The following ZMIZ1 variants were observed in gnomAD, a reference collection of about 807,000 sequenced individuals.
ZMIZ1 encodes zinc finger MIZ domain-containing protein 1.
A neutral mutation model predicts 113.9 loss-of-function variants in ZMIZ1; 17 were observed. The observed-to-expected ratio is 0.15, with a 90% CI of 0.10 to 0.22. ZMIZ1 has a LOEUF of 0.22. Among genes scored for constraint, ZMIZ1 ranks in the 10% least tolerant of loss-of-function variants. The pLI is 1.00. For synonymous variants in ZMIZ1, 607 were observed against 603.1 expected (o/e 1.01, Z -0.09); for missense variants, 1,059 against 1,477.8 (o/e 0.72, Z 4.65).
intron 7 of ZMIZ1, among the ~76,000 whole-genome samples, chr10:79,252,900 C>T (rs576516422): frequency 7.9e-5 from 12 of 152,304 alleles, no homozygotes; most frequent in African/African-American, 1.9e-4. Context: ...GACTATAGCT[C>T]GCTCAAGTTT....
At chr10:79,300,281 C>T (rs562079071) in intron 16 of ZMIZ1, among the ~76,000 whole-genome samples, 2 of 152,348 alleles carry the variant, frequency 1.3e-5, no homozygotes, top group East Asian at 1.9e-4. Flanking sequence ...CTCAGTGCTG[C>T]GTCCTTGGGG....
intron 5 of ZMIZ1, among the ~76,000 whole-genome samples, chr10:79,202,218 A>G (rs1848125842): frequency 7.4e-6 from 1 of 135,358 alleles, no homozygotes; most frequent in Non-Finnish European, 1.6e-5. Flanking sequence ...AAAAAAAGAA[A>G]GAAAGAAAGA....
intron 14 of ZMIZ1, 94 bp from the exon 15 acceptor site, chr10:79,298,312 A>C (rs1854044441): frequency 1.4e-6 from 2 of 1,384,948 alleles, no homozygotes; most frequent in Non-Finnish European, 1.9e-6. Flanking sequence ...GCATGGCTCC[A>C]GGCCCCTGGG....
intron 1 of ZMIZ1, among the ~76,000 whole-genome samples, chr10:79,093,665 CAG>C (rs1338543840): frequency 6.6e-6 from 1 of 152,092 alleles, no homozygotes; most frequent in Non-Finnish European, 1.5e-5. Flanking sequence ...GTGATGTGCT[CAG>C]AGTGATTAGG....
In ZMIZ1 at chr10:79,069,758, T is replaced by G. The variant is rs562486298; in HGVS notation, c.-337+488T>G. ...CGCTGGATTTCAGGATGGCAAGGGGTGGTGGTGTTAACTTGTGCGTCTGAA... is the reference window on the plus strand; with the variant it reads ...CGCTGGATTTCAGGATGGCAAGGGGGGGTGGTGTTAACTTGTGCGTCTGAA... On this transcript the variant is annotated intron_variant, in intron 1 of 24. Transcript: ENST00000334512. The surrounding 1 kb of genome is among the most constrained non-coding windows in gnomAD (Gnocchi z 4.6). 7.9e-5 allele frequency among the ~76,000 whole-genome samples: 12 copies of G among 151,600 alleles called. No individual in the cohort carries two copies. The highest frequency in any genetic ancestry group is 1.8e-4 in the Non-Finnish European group (12 of 67,854).
chr10:79,252,197 C>T lies in ZMIZ1; in HGVS notation c.281-24984C>T, dbSNP rs1019923170. ...AGGCAGGCTCCTGCAGGCTCCTGTA[C>T]CCACCCAGCCTATGTACCCACCCTG... is the stretch of plus-strand genomic sequence containing the variant. On this transcript the variant is annotated intron_variant, in intron 7 of 24. Transcript: ENST00000334512. 2.6e-5 allele frequency among the ~76,000 whole-genome samples: 4 copies of T among 152,276 alleles called. No individual in the cohort carries two copies. The East Asian group carries it at 5.8e-4, about 22-fold the overall frequency.
At chr10:79,160,093 C>T (rs898592310) in intron 3 of ZMIZ1, among the ~76,000 whole-genome samples, 1 of 152,204 alleles carries the variant, frequency 6.6e-6, no homozygotes, top group Admixed American at 6.5e-5. Flanking sequence ...TAGCTGTGGG[C>T]GGTGGGGAGG....
intron 4 of ZMIZ1, among the ~76,000 whole-genome samples, chr10:79,176,325 C>T (rs1846868742): frequency 6.6e-6 from 1 of 152,080 alleles, no homozygotes; most frequent in Non-Finnish European, 1.5e-5. Context: ...GATGGACCAG[C>T]GCTCTTCTGA....
At chr10:79,121,387 C>T (rs77139523) in intron 2 of ZMIZ1, among the ~76,000 whole-genome samples, 3,563 of 152,300 alleles carry the variant, frequency 0.023, 126 homozygotes, top group African/African-American at 0.073. Flanking sequence ...AGGGGGTTCC[C>T]GAGGAGGCTT....
chr10:79,306,027 C>T (rs1015428780), intron 21 of ZMIZ1, 73 bp from the exon 22 acceptor site: 18 of 1,558,924 alleles, frequency 1.2e-5, no homozygotes, highest in African/African-American at 9.4e-5. Flanking sequence ...GGGTGTCTGT[C>T]GGAGCTGGAG....
At chr10:79,243,113 TCCCTC>T (rs1849950332) in intron 7 of ZMIZ1, among the ~76,000 whole-genome samples, 1 of 150,094 alleles carries the variant, frequency 6.7e-6, no homozygotes, top group Admixed American at 6.6e-5. Context: ...CTCCTCCTCC[TCCCTC>T]CCCTCCCCCC....
At chr10:79,268,157 G>A (rs546159872) in intron 7 of ZMIZ1, among the ~76,000 whole-genome samples, 45 of 152,354 alleles carry the variant, frequency 3.0e-4, no homozygotes, top group African/African-American at 1.0e-3. Flanking sequence ...TCACTAACAT[G>A]AACAGCAGCG....
intron 5 of ZMIZ1, among the ~76,000 whole-genome samples, chr10:79,205,376 C>T (rs1228057967): frequency 6.6e-6 from 1 of 152,248 alleles, no homozygotes; most frequent in Admixed American, 6.5e-5. Flanking sequence ...ACAGCAGGCT[C>T]ACCATCCTTT....
rs781304438 is a variant in ZMIZ1 at position 79,292,245 on chromosome 10, C to T, written c.846C>T (p.Ala282=). Residue 282 remains alanine (A), a synonymous_variant, in exon 11 of 25, where the codon GCC becomes GCT. Transcript: ENST00000334512. Reference sequence around the variant, plus strand: ...CTGACTTCACTCAGCCCGCGGCAGCCGCTGCAGCAGCGGCAGTGGCAGCAG... The same window carrying T: ...CTGACTTCACTCAGCCCGCGGCAGCTGCTGCAGCAGCGGCAGTGGCAGCAG... ...PPADFTQPAA[A]AAAAAVAAAA... The T allele has an allele frequency of 4.4e-5, 71 of 1,612,400 alleles. 1 individual carries two copies. The East Asian group carries it at 1.4e-3, about 31-fold the overall frequency.
intron 4 of ZMIZ1, among the ~76,000 whole-genome samples, chr10:79,178,141 G>A (rs1293409116): frequency 6.6e-6 from 1 of 152,192 alleles, no homozygotes. Context: ...CATGGTGAGG[G>A]CAGCTTGGCC....
At chr10:79,146,617 C>T (rs965815951) in intron 3 of ZMIZ1, among the ~76,000 whole-genome samples, 8 of 152,214 alleles carry the variant, frequency 5.3e-5, no homozygotes, top group African/African-American at 1.7e-4. Context: ...GGGGATTGTC[C>T]CTGTAGTCAG....
chr10:79,226,147 A>T (rs1175248465), intron 7 of ZMIZ1, among the ~76,000 whole-genome samples: 1 of 149,708 alleles, frequency 6.7e-6, no homozygotes, highest in Non-Finnish European at 1.5e-5. Flanking sequence ...ACAGCCCTTC[A>T]CCCTCCCTTA....
rs572677991 is a variant in ZMIZ1 at position 79,083,074 on chromosome 10, G to A, written c.-337+13804G>A. Among the ~76,000 whole-genome samples, 18 of 152,370 alleles carry A rather than the reference G, an allele frequency of 1.2e-4. No individual in the cohort carries two copies. In the South Asian group the frequency reaches 3.7e-3, roughly 32 times the overall value. On this transcript the variant is annotated intron_variant, in intron 1 of 24. Transcript: ENST00000334512. Reference sequence around the variant, plus strand: ...CATTGGTGAATTTGACAGGGGCCCTGCTTACATTCTAGTAGGCGAGACAGT... The same window carrying A: ...CATTGGTGAATTTGACAGGGGCCCTACTTACATTCTAGTAGGCGAGACAGT...
intron 21 of ZMIZ1, 144 bp downstream of exon 21, chr10:79,305,745 TAC>T: frequency 2.3e-6 from 2 of 869,498 alleles, no homozygotes; most frequent in Non-Finnish European, 3.6e-6. Flanking sequence ...CTCTGTCCCT[TAC>T]CCTCGGGGGC....
Sources: gnomAD v4.1 joint callset for allele counts (sites outside exome capture counted in the v4.1 genomes callset) on GRCh38, gnomAD v4.1.1 for gene constraint, Gnocchi (gnomAD v3.1) non-coding constraint, MANE v1.5 for transcripts, NCBI Gene and HGNC (gene_info 2026-07-23, HGNC 2026-07-21) for gene names.